The following FABP7 variants were observed in gnomAD, a reference collection of about 807,000 sequenced individuals.
The protein encoded by FABP7 is fatty acid binding protein 7.
A neutral mutation model predicts 14.2 loss-of-function variants in FABP7; 13 were observed. The observed-to-expected ratio is 0.91, with a 90% CI of 0.59 to 1.45. The LOEUF (loss-of-function observed/expected upper bound fraction) is 1.45, where lower values mean the gene tolerates loss of function less well. Among genes scored for constraint, FABP7 ranks in the 40% most tolerant of loss-of-function variants. FABP7 has a pLI of 0.00. For synonymous variants in FABP7, 49 were observed against 51.4 expected (o/e 0.95, Z 0.20); for missense variants, 149 against 157.6 (o/e 0.95, Z 0.29).
the FABP7 span, among the ~76,000 whole-genome samples, chr6:122,774,195 C>T: frequency 1.3e-5 from 2 of 151,788 alleles, no homozygotes; most frequent in African/African-American, 4.8e-5. Flanking sequence ...AACACCATCT[C>T]TACTAAAAAT....
chr6:122,750,869 G>T, the FABP7 span, among the ~76,000 whole-genome samples: 5 of 152,348 alleles, frequency 3.3e-5, no homozygotes, highest in South Asian at 4.1e-4. Context: ...ACGCTGAAAA[G>T]TTCGGATTTT....
At chr6:122,762,814 C>G in the FABP7 span, among the ~76,000 whole-genome samples, 2 of 152,056 alleles carry the variant, frequency 1.3e-5, no homozygotes, top group Non-Finnish European at 2.9e-5. Flanking sequence ...GAATAAAATA[C>G]CTAGGAATCC....
At chr6:122,766,782 C>T in the FABP7 span, among the ~76,000 whole-genome samples, 1 of 151,856 alleles carries the variant, frequency 6.6e-6, no homozygotes, top group Non-Finnish European at 1.5e-5. Context: ...GAATTGAAGT[C>T]CTCAGTGCAA....
chr6:122,755,002 C>T, the FABP7 span, among the ~76,000 whole-genome samples: 2 of 134,440 alleles, frequency 1.5e-5, no homozygotes, highest in African/African-American at 5.5e-5. Context: ...CATTCTCTAA[C>T]AATCACTTTT....
At chr6:122,751,787 C>T in the FABP7 span, among the ~76,000 whole-genome samples, 31 of 152,244 alleles carry the variant, frequency 2.0e-4, no homozygotes, top group Non-Finnish European at 4.1e-4. Flanking sequence ...CAGCACTCAG[C>T]CTGAGGAAGG....
chr6:122,772,383 G>A, the FABP7 span, among the ~76,000 whole-genome samples: 1 of 148,252 alleles, frequency 6.7e-6, no homozygotes, highest in African/African-American at 2.5e-5. Context: ...AAATGAGAAG[G>A]ACATTTCTCC....
At chr6:122,779,942 A>G (rs1780741514) in intron 1 of FABP7, 75 bp downstream of exon 1, 1 of 1,407,818 alleles carries the variant, frequency 7.1e-7, no homozygotes, top group African/African-American at 1.4e-5. Context: ...TTTTTCACTC[A>G]TCAGGTCAGC....
the FABP7 span, among the ~76,000 whole-genome samples, chr6:122,749,514 C>T: frequency 1.3e-5 from 2 of 152,050 alleles, no homozygotes; most frequent in Admixed American, 6.6e-5. Flanking sequence ...TTCTTAAGGT[C>T]CGATGCTCCA....
upstream of FABP7, among the ~76,000 whole-genome samples, chr6:122,778,697 T>C (rs1195916432): frequency 6.6e-6 from 1 of 152,192 alleles, no homozygotes; most frequent in African/African-American, 2.4e-5. Context: ...TTGCCATTCT[T>C]GGGGAACCCT....
intron 3 of FABP7, chr6:122,782,366 C>A: frequency 1.9e-6 from 1 of 528,220 alleles, no homozygotes; most frequent in Non-Finnish European, 2.4e-6. Flanking sequence ...CTTCTTCCTA[C>A]TTCCCGGATG....
the FABP7 span, among the ~76,000 whole-genome samples, chr6:122,758,527 A>G: frequency 6.6e-6 from 1 of 152,184 alleles, no homozygotes; most frequent in African/African-American, 2.4e-5. Flanking sequence ...TTGTCAATCA[A>G]ATTCTAAGGT....
upstream of FABP7, among the ~76,000 whole-genome samples, chr6:122,777,452 G>A (rs1780693772): frequency 6.6e-6 from 1 of 152,046 alleles, no homozygotes. Flanking sequence ...AGGGAAGTCG[G>A]ACATACTTCT....
chr6:122,771,200 C>G, the FABP7 span, among the ~76,000 whole-genome samples: 2 of 152,152 alleles, frequency 1.3e-5, no homozygotes, highest in African/African-American at 4.8e-5. Context: ...GTTGCCTTAG[C>G]AGGTCAGTTT....
At chr6:122,761,532 G>A in the FABP7 span, among the ~76,000 whole-genome samples, 2 of 152,038 alleles carry the variant, frequency 1.3e-5, no homozygotes, top group Non-Finnish European at 2.9e-5. Context: ...TCAATATAGG[G>A]CAGTCAAAGA....
chr6:122,779,676 C>T (rs1195633511), upstream of FABP7: 9 of 901,330 alleles, frequency 1.0e-5, no homozygotes, highest in Admixed American at 1.6e-4. Flanking sequence ...TTTTGCCCAC[C>T]CTCTTTCCAA....
Position 122,783,914 on chromosome 6 carries a change from C to A in FABP7, c.*147C>A. ...AAAATGGTGATTTAAAAACTTGTTACTCCAAGCAACTTGCCCAATTTTAAT... is the reference window on the plus strand; with the variant it reads ...AAAATGGTGATTTAAAAACTTGTTAATCCAAGCAACTTGCCCAATTTTAAT... On this transcript the variant is annotated 3_prime_UTR_variant, in exon 4 of 4. Coordinates refer to ENST00000368444, the MANE Select transcript of FABP7 (RefSeq NM_001446.5). 1.8e-6 allele frequency: 1 copy of A among 566,750 alleles called. No homozygotes were observed. The highest frequency in any genetic ancestry group is 3.0e-6 in the Non-Finnish European group (1 of 333,458). 35.1% of individuals were successfully genotyped at this position (566,750 alleles called of 1,614,324 possible).
the FABP7 span, among the ~76,000 whole-genome samples, chr6:122,754,869 C>T: frequency 2.0e-5 from 3 of 152,114 alleles, no homozygotes; most frequent in Admixed American, 1.3e-4. Context: ...ATCCAACTCC[C>T]AGGACTTGCA....
chr6:122,757,392 C>CTGAAGA, the FABP7 span, among the ~76,000 whole-genome samples: 1 of 152,020 alleles, frequency 6.6e-6, no homozygotes, highest in East Asian at 1.9e-4. Flanking sequence ...GAGAAGATGA[C>CTGAAGA]TGAAGACTAA....
upstream of FABP7, among the ~76,000 whole-genome samples, chr6:122,776,466 A>T (rs2115138855): frequency 6.6e-6 from 1 of 152,284 alleles, no homozygotes; most frequent in Admixed American, 6.5e-5. Flanking sequence ...GCCAAAAAAA[A>T]TCAATCTCAT....
Sources: allele counts gnomAD v4.1 joint callset (sites outside exome capture counted in the v4.1 genomes callset), GRCh38; gene constraint gnomAD v4.1.1; transcripts MANE v1.5; gene names NCBI Gene and HGNC (gene_info 2026-07-23, HGNC 2026-07-21).